RIMS2: variants seen among roughly 807,000 people sequenced by gnomAD.
RIMS2 encodes regulating synaptic membrane exocytosis 2.
A neutral mutation model predicts 174.4 loss-of-function variants in RIMS2; 59 were observed. The observed-to-expected ratio is 0.34, with a 90% CI of 0.27 to 0.42. The LOEUF (loss-of-function observed/expected upper bound fraction) is 0.42. Ranked by LOEUF, RIMS2 falls within the 10% of genes least tolerant of loss-of-function variation. The pLI is 1.00. For missense variants in RIMS2, 1,620 were observed against 1,666.3 expected (o/e 0.97, Z 0.48); for synonymous variants, 606 against 572.5 (o/e 1.06, Z -0.84).
At chr8:103,778,062 C>T (rs1228412232) in intron 3 of RIMS2, among the ~76,000 whole-genome samples, 1 of 151,878 alleles carries the variant, frequency 6.6e-6, no homozygotes, top group Admixed American at 6.6e-5. Flanking sequence ...AAGTTTGTTA[C>T]TTTTCTTCAT....
intron 19 of RIMS2, among the ~76,000 whole-genome samples, chr8:104,167,848 TA>T (rs2098806843): frequency 6.6e-6 from 1 of 152,168 alleles, no homozygotes; most frequent in Non-Finnish European, 1.5e-5. Context: ...GAGTTTTATA[TA>T]AGGTGAGAGG....
At chr8:103,962,788 G>GTACTAACTAGGGT (rs1285544692) in intron 15 of RIMS2, among the ~76,000 whole-genome samples, 4 of 151,990 alleles carry the variant, frequency 2.6e-5, no homozygotes, top group Non-Finnish European at 4.4e-5. Flanking sequence ...CCTAGTGTGT[G>GTACTAACTAGGGT]TACTAACTAG....
At chr8:103,507,791 G>A (rs754989466) in intron 1 of RIMS2, among the ~76,000 whole-genome samples, 1 of 152,008 alleles carries the variant, frequency 6.6e-6, no homozygotes, top group African/African-American at 2.4e-5. Flanking sequence ...CTGTAAAAGT[G>A]ATCCTTTAAG....
At chr8:103,908,363 C>T (rs2074961966) in intron 4 of RIMS2, among the ~76,000 whole-genome samples, 1 of 152,162 alleles carries the variant, frequency 6.6e-6, no homozygotes, top group Non-Finnish European at 1.5e-5. Context: ...TTTATTACAC[C>T]TTGACCAGAT....
At chr8:104,236,064 G>C (rs954981351) in intron 19 of RIMS2, among the ~76,000 whole-genome samples, 3 of 132,992 alleles carry the variant, frequency 2.3e-5, no homozygotes, top group South Asian at 4.6e-4. Context: ...CCAACATTCT[G>C]GATTTTTTTT....
chr8:103,915,415 C>G, intron 6 of RIMS2, 80 bp from the exon 10 acceptor site: 1 of 707,960 alleles, frequency 1.4e-6, no homozygotes. Flanking sequence ...GCAAATTGTT[C>G]TAGGTATTCT....
chr8:103,712,811 A>G (rs1387296111), intron 2 of RIMS2, among the ~76,000 whole-genome samples: 1 of 152,224 alleles, frequency 6.6e-6, no homozygotes, highest in Non-Finnish European at 1.5e-5. Context: ...TGGAATATCC[A>G]GTTAACTTTA....
chr8:103,916,662 C>A (rs566440928), intron 8 of RIMS2, 125 bp downstream of exon 11: 2 of 736,254 alleles, frequency 2.7e-6, no homozygotes, highest in African/African-American at 1.8e-5. Context: ...ATAACTTTTT[C>A]TCTTTCCTTA....
chr8:104,134,840 C>T (rs1316553363), intron 19 of RIMS2, among the ~76,000 whole-genome samples: 1 of 152,146 alleles, frequency 6.6e-6, no homozygotes, highest in African/African-American at 2.4e-5. Context: ...TTTCACCATT[C>T]TTCTACCCAA....
At chr8:104,085,144 C>T (rs1388844427) in intron 19 of RIMS2, among the ~76,000 whole-genome samples, 1 of 152,272 alleles carries the variant, frequency 6.6e-6, no homozygotes, top group African/African-American at 2.4e-5. Context: ...ACAAAATTAT[C>T]TGAATAAACA....
intron 3 of RIMS2, among the ~76,000 whole-genome samples, chr8:103,788,971 T>A (rs185416911): frequency 6.6e-6 from 1 of 152,180 alleles, no homozygotes; most frequent in Non-Finnish European, 1.5e-5. Flanking sequence ...TATAATCTCG[T>A]GGTGCGCCGT....
At chr8:104,174,272 A>G (rs1404735886) in intron 19 of RIMS2, among the ~76,000 whole-genome samples, 1 of 152,102 alleles carries the variant, frequency 6.6e-6, no homozygotes, top group African/African-American at 2.4e-5. Context: ...AACCATTACT[A>G]AAGAAGTTTA....
chr8:104,127,461 T>G (rs939166098), intron 19 of RIMS2, among the ~76,000 whole-genome samples: 5 of 152,126 alleles, frequency 3.3e-5, no homozygotes, highest in Non-Finnish European at 7.4e-5. Flanking sequence ...AATAGGCAAA[T>G]CAATGAATGA....
intron 1 of RIMS2, among the ~76,000 whole-genome samples, chr8:103,559,731 G>A (rs141699792): frequency 2.6e-5 from 4 of 152,262 alleles, no homozygotes; most frequent in African/African-American, 9.6e-5. Flanking sequence ...ACCATGAAAT[G>A]TCTGAGATTT....
chr8:104,126,906 G>A (rs996709990), intron 19 of RIMS2, among the ~76,000 whole-genome samples: 7 of 152,100 alleles, frequency 4.6e-5, no homozygotes, highest in Non-Finnish European at 8.8e-5. Flanking sequence ...CTTGCCTCAA[G>A]AGCTAAGGGA....
chr8:104,002,081 T>A (rs1425476598), intron 17 of RIMS2, among the ~76,000 whole-genome samples: 2 of 152,118 alleles, frequency 1.3e-5, no homozygotes, highest in South Asian at 4.1e-4. Context: ...CTTTGGTCGG[T>A]CACTCTCATG....
At chr8:103,825,110 A>G (rs1593207634) in intron 3 of RIMS2, among the ~76,000 whole-genome samples, 1 of 151,376 alleles carries the variant, frequency 6.6e-6, no homozygotes, top group Non-Finnish European at 1.5e-5. Context: ...TATTCTTCAC[A>G]CTCCTTCCCA....
chr8:104,043,355 T>C (rs960465889), intron 19 of RIMS2, among the ~76,000 whole-genome samples: 2 of 151,632 alleles, frequency 1.3e-5, no homozygotes, highest in Non-Finnish European at 3.0e-5. Context: ...AAATTTGTGA[T>C]GGCATTGGTT....
chr8:103,530,478 C>G (rs1836493232), intron 1 of RIMS2, among the ~76,000 whole-genome samples: 2 of 152,020 alleles, frequency 1.3e-5, no homozygotes, highest in South Asian at 4.2e-4. Flanking sequence ...AAACAGAATC[C>G]AACTGTATGC....
Sources: gnomAD v4.1 joint callset for allele counts (sites outside exome capture counted in the v4.1 genomes callset) on GRCh38, gnomAD v4.1.1 for gene constraint, MANE v1.5 for transcripts, NCBI Gene and HGNC (gene_info 2026-07-23, HGNC 2026-07-21) for gene names.